TMEM95: variants seen among roughly 807,000 people sequenced by gnomAD.
TMEM95 encodes transmembrane protein 95.
TMEM95 carries 21 observed loss-of-function variants against 27.7 expected under a neutral mutation model. The observed-to-expected ratio is 0.76, with a 90% CI of 0.54 to 1.09. The LOEUF is 1.09. Ranked by LOEUF, TMEM95 falls within the 50% of genes least tolerant of loss-of-function variation. The probability of loss-of-function intolerance (pLI) is 0.00; values close to 1 mark genes in which losing one functional copy is unlikely to be tolerated. For missense variants in TMEM95, 203 were observed against 217.9 expected (o/e 0.93, Z 0.43); for synonymous variants, 77 against 85.7 (o/e 0.90, Z 0.56).
Position 7,355,899 on chromosome 17 carries a change from C to T in TMEM95, c.288C>T (p.Leu96=). 1.9e-6 allele frequency: 3 copies of T among 1,613,992 alleles called. No individual in the cohort carries two copies. Among genetic ancestry groups the T allele is most frequent in the Non-Finnish European group, 2.5e-6 (3 of 1,179,972 alleles). Residue 96 remains leucine, a synonymous_variant, in exon 3 of 7, where the codon CTC becomes CTT. Transcript: ENST00000576060. The surrounding 1 kb of genome is among the most constrained non-coding windows in gnomAD (Gnocchi z 4.9). The part of the protein sequence containing the change: ...SYWSWLRKTK[L]PEYTREALCP... ...GGAGTTGGCTTCGAAAGACCAAGCT[C>T]CCTGAGTACACCAGGGAAGGTACCG... is the stretch of plus-strand genomic sequence containing the variant.
In TMEM95 at chr17:7,355,561, C is replaced by T. The variant is rs928847855; in HGVS notation, c.170-25C>T. 6.4e-6 allele frequency: 10 copies of T among 1,553,082 alleles called. No homozygotes were observed. The highest frequency in any genetic ancestry group is 2.4e-5 in the East Asian group (1 of 41,036). ...CCAGAACCTGGGCTGATGAGGGAAT[C>T]GCTGGTCCTTGCCCATCTCCACAGA... is the stretch of plus-strand genomic sequence containing the variant. On this transcript the variant is annotated intron_variant, in intron 1 of 6. Coordinates refer to ENST00000576060, the MANE Select transcript of TMEM95 (RefSeq NM_001320436.2). The surrounding 1 kb of genome is among the most constrained non-coding windows in gnomAD (Gnocchi z 4.9).
At position 7,356,668 on chromosome 17, in the gene TMEM95, G is replaced by A; in HGVS notation, c.*36G>A. On this transcript the variant is annotated 3_prime_UTR_variant, in exon 7 of 7. Coordinates refer to ENST00000576060, the MANE Select transcript of TMEM95 (RefSeq NM_001320436.2). ...AACCTCCCAGCCTCCAGCTCTAAGG[G>A]GTATGCACTCACAACTTCCACATCC... 6.2e-7 allele frequency: 1 copy of A among 1,609,290 alleles called. No homozygotes were observed. The highest frequency in any genetic ancestry group is 8.5e-7 in the Non-Finnish European group (1 of 1,177,258).
Position 7,355,381 on chromosome 17 carries a change from C to A in TMEM95, c.169+8C>A. On this transcript the variant is annotated splice_region_variant and intron_variant, in intron 1 of 6. Transcript: ENST00000576060. The surrounding 1 kb of genome is among the most constrained non-coding windows in gnomAD (Gnocchi z 4.9). ...TCTCGGCCTTTGCCTTAGGTAGGAC[C>A]AGACATCCAGGGATGGGCCCAGCAA... 1 of 1,605,344 alleles carries A rather than the reference C, an allele frequency of 6.2e-7. No individual in the cohort carries two copies.
rs79041177 is a variant in TMEM95 at position 7,355,886 on chromosome 17, G to A, written c.275G>A (p.Arg92Gln). 29 of 1,614,002 alleles carry A rather than the reference G, an allele frequency of 1.8e-5. No individual in the cohort carries two copies. The highest frequency in any genetic ancestry group is 6.7e-5 in the East Asian group (3 of 44,866). Residue 92 changes from arginine to glutamine, a missense_variant, in exon 3 of 7, where the codon CGA (arginine) becomes CAA (glutamine). Physicochemically the swap from Arg to Gln is conservative, Grantham distance 43 (BLOSUM62 1). Coordinates refer to ENST00000576060, the MANE Select transcript of TMEM95 (RefSeq NM_001320436.2). This position sits in a 1 kb window ranked among gnomAD's most constrained non-coding sequence, Gnocchi z 4.9. ...SSLPSYWSWL[R>Q]KTKLPEYTRE... ...CTCCCTTCATATTGGAGTTGGCTTC[G>A]AAAGACCAAGCTCCCTGAGTACACC...
chr17:7,356,381 G>A lies in TMEM95; in HGVS notation c.410-11G>A, dbSNP rs545440241. 1.2e-6 allele frequency: 2 copies of A among 1,613,092 alleles called. No homozygotes were observed. The highest frequency in any genetic ancestry group is 1.3e-5 in the African/African-American group (1 of 75,046). ...CCCAGAATCATTCACTGCCTCCTGG[G>A]TTCCCTGCAGGAAGTCAGGATCTTT... is the stretch of plus-strand genomic sequence containing the variant. On this transcript the variant is annotated splice_polypyrimidine_tract_variant and intron_variant, in intron 5 of 6. Coordinates refer to ENST00000576060, the MANE Select transcript of TMEM95 (RefSeq NM_001320436.2).
At chr17:7,356,134 G>T in intron 4 of TMEM95, 62 bp from the exon 5 acceptor site, 1 of 1,605,352 alleles carries the variant, frequency 6.2e-7, no homozygotes, top group Non-Finnish European at 8.5e-7. Flanking sequence ...AGGAAGCTGG[G>T]TACCAGGCAG....
Position 7,355,619 on chromosome 17 carries a change from C to T in TMEM95, c.203C>T (p.Thr68Ile), listed in dbSNP as rs534565673. The change falls in exon 2 of 7, where the codon ACT (threonine) becomes ATT (isoleucine). Residue 68 changes from threonine to isoleucine, a missense_variant. Transcript: ENST00000576060. This position sits in a 1 kb window ranked among gnomAD's most constrained non-coding sequence, Gnocchi z 4.9. ...EVSMNKVTEK[T>I]HRVLRVMEIK... ...TCCATGAACAAAGTCACAGAGAAGA[C>T]TCACAGAGTCCTGAGGGTCATGGGT... 96 of 1,558,332 alleles carry T rather than the reference C, an allele frequency of 6.2e-5. 1 individual carries two copies. The Admixed American group carries it at 7.4e-4, about 12-fold the overall frequency.
chr17:7,356,873 T>C lies in TMEM95; in HGVS notation c.*241T>C. 1.9e-6 allele frequency: 1 copy of C among 533,936 alleles called. No homozygotes were observed. The highest frequency in any genetic ancestry group is 3.3e-6 in the Non-Finnish European group (1 of 299,700). The allele number at this position is 533,936 out of a possible 1,614,324, so 33.1% of individuals were successfully genotyped here. ...TCCCGGGAACCCAGGCACCCACAGC[T>C]GGAAAGTTCCTCCCCTCCAGCCCTC... is the stretch of plus-strand genomic sequence containing the variant. On this transcript the variant is annotated 3_prime_UTR_variant, in exon 7 of 7. Coordinates refer to ENST00000576060, the MANE Select transcript of TMEM95 (RefSeq NM_001320436.2).
Position 7,356,656 on chromosome 17 carries a change from C to G in TMEM95, c.*24C>G. 2 of 1,612,506 alleles carry G rather than the reference C, an allele frequency of 1.2e-6. No homozygotes were observed. The highest frequency in any genetic ancestry group is 1.7e-6 in the Non-Finnish European group (2 of 1,179,118). Reference sequence around the variant, plus strand: ...GAAGACGCTGAAAACCTCCCAGCCTCCAGCTCTAAGGGGTATGCACTCACA... The same window carrying G: ...GAAGACGCTGAAAACCTCCCAGCCTGCAGCTCTAAGGGGTATGCACTCACA... On this transcript the variant is annotated 3_prime_UTR_variant, in exon 7 of 7. Transcript: ENST00000576060.
Position 7,355,717 on chromosome 17 carries a change from G to A in TMEM95, c.226+75G>A. ...AGAGGGACGGGTGACAGGGGTTGGGGTGGGCAGGGAAGGGTGGAGGGGTAG... is the reference window on the plus strand; with the variant it reads ...AGAGGGACGGGTGACAGGGGTTGGGATGGGCAGGGAAGGGTGGAGGGGTAG... On this transcript the variant is annotated intron_variant, in intron 2 of 6. Transcript: ENST00000576060. This position sits in a 1 kb window ranked among gnomAD's most constrained non-coding sequence, Gnocchi z 4.9. 1 of 1,458,872 alleles carries A rather than the reference G, an allele frequency of 6.9e-7. No homozygotes were observed. Among genetic ancestry groups the A allele is most frequent in the Non-Finnish European group, 9.6e-7 (1 of 1,044,404 alleles). The allele number at this position is 1,458,872 out of a possible 1,614,324, so 90.4% of individuals were successfully genotyped here. A position where few individuals can be genotyped will look rare whatever the true frequency, so the allele number is the denominator to read the frequency against.
Position 7,357,007 on chromosome 17 carries a change from C to T in TMEM95, c.*375C>T, listed in dbSNP as rs1033817752. 5.1e-5 allele frequency: 16 copies of T among 312,538 alleles called. No homozygotes were observed. The highest frequency in any genetic ancestry group is 4.1e-4 in the Admixed American group (9 of 21,718). 19.4% of individuals were successfully genotyped at this position (312,538 alleles called of 1,614,324 possible). ...CCCCCTTCTGCCTGTTCCGGGAAAG[C>T]GGGGGCATCTGCCCCAGAAGCTATT... On this transcript the variant is annotated 3_prime_UTR_variant, in exon 7 of 7. Coordinates refer to ENST00000576060, the MANE Select transcript of TMEM95 (RefSeq NM_001320436.2).
intron 4 of TMEM95, 61 bp downstream of exon 4, chr17:7,356,110 C>T (rs771290418): frequency 5.9e-5 from 95 of 1,611,412 alleles, no homozygotes; most frequent in Non-Finnish European, 1.1e-5. Context: ...AGAGGAGGGC[C>T]TGGCAGCTGC....
At chr17:7,356,073 G>A (rs2073493873) in intron 4 of TMEM95, 24 bp downstream of exon 4, 1 of 1,614,074 alleles carries the variant, frequency 6.2e-7, no homozygotes, top group East Asian at 2.2e-5. Flanking sequence ...GAAAGGGGTA[G>A]CAAGGACCTG....
chr17:7,356,257 CCGAA>C lies in TMEM95; in HGVS notation c.391_394del (p.Arg131SerfsTer30). 1 of 1,572,406 alleles carries C rather than the reference CCGAA, an allele frequency of 6.4e-7. No homozygotes were observed. Among genetic ancestry groups the C allele is most frequent in the Non-Finnish European group, 8.6e-7 (1 of 1,161,266 alleles). ...AGGGGACGGAGGTGTCCTGCTGGCC[CCGAA>C]AGCGCTGCTTCCCAGGTCCTCACGC... On this transcript the variant is annotated frameshift_variant, in exon 5 of 7. Coordinates refer to ENST00000576060, the MANE Select transcript of TMEM95 (RefSeq NM_001320436.2). LOFTEE classifies it high-confidence loss of function.
At position 7,355,995 on chromosome 17, in the gene TMEM95, C is replaced by T; in HGVS notation, c.308-34C>T. The T allele has an allele frequency of 6.2e-7, 1 of 1,613,664 alleles. No individual in the cohort carries two copies. The highest frequency in any genetic ancestry group is 1.1e-5 in the South Asian group (1 of 91,060). On this transcript the variant is annotated intron_variant, in intron 3 of 6. Coordinates refer to ENST00000576060, the MANE Select transcript of TMEM95 (RefSeq NM_001320436.2). This position sits in a 1 kb window ranked among gnomAD's most constrained non-coding sequence, Gnocchi z 4.9. Reference sequence around the variant, plus strand: ...ATGTGTGGTGAGCAGCTCATCCATTCACACCCCCACCCCTTCCTTGTCTTT... The same window carrying T: ...ATGTGTGGTGAGCAGCTCATCCATTTACACCCCCACCCCTTCCTTGTCTTT...
Position 7,356,436 on chromosome 17 carries a change from T to G in TMEM95, c.454T>G (p.Phe152Val), listed in dbSNP as rs1439310947. 1 of 1,614,086 alleles carries G rather than the reference T, an allele frequency of 6.2e-7. No homozygotes were observed. Among genetic ancestry groups the G allele is most frequent in the Non-Finnish European group, 8.5e-7 (1 of 1,179,998 alleles). ...AGCCAAGATTCTGCTCCTCTCCATC[T>G]TCGGAGCTTTCCTGCTTCTGGGTGT... ...WEAKILLLSIFGAFLLLGVLS... is the reference protein window; with the variant it reads ...WEAKILLLSIVGAFLLLGVLS... The change falls in exon 6 of 7, where the codon TTC becomes GTC. Residue 152 changes from phenylalanine to valine, a missense_variant. Transcript: ENST00000576060.
Position 7,355,919 on chromosome 17 carries a change from G to A in TMEM95, c.307+1G>A, listed in dbSNP as rs1250441367. On this transcript the variant is annotated splice_donor_variant, in intron 3 of 6. Coordinates refer to ENST00000576060, the MANE Select transcript of TMEM95 (RefSeq NM_001320436.2). LOFTEE classifies it high-confidence loss of function. This position sits in a 1 kb window ranked among gnomAD's most constrained non-coding sequence, Gnocchi z 4.9. Reference sequence around the variant, plus strand: ...AAGCTCCCTGAGTACACCAGGGAAGGTACCGATGCGGGATGGGCCTCAAGG... The same window carrying A: ...AAGCTCCCTGAGTACACCAGGGAAGATACCGATGCGGGATGGGCCTCAAGG... 1 of 1,613,928 alleles carries A rather than the reference G, an allele frequency of 6.2e-7. No homozygotes were observed.
At chr17:7,356,356 C>T in intron 5 of TMEM95, 36 bp from the exon 6 acceptor site, 1 of 1,610,182 alleles carries the variant, frequency 6.2e-7, no homozygotes. Context: ...GCGTGTGGGT[C>T]CCAGAATCAT....
Position 7,355,488 on chromosome 17 carries a change from G to T in TMEM95, c.170-98G>T. The stretch of plus-strand genomic sequence containing the variant: ...TCTGTGGCCCTTTCTGGACATGCTG[G>T]CCTTTCCCTCTGAGAGAGCTCCATA... On this transcript the variant is annotated intron_variant, in intron 1 of 6. Transcript: ENST00000576060. This position sits in a 1 kb window ranked among gnomAD's most constrained non-coding sequence, Gnocchi z 4.9. 1 of 1,531,486 alleles carries T rather than the reference G, an allele frequency of 6.5e-7. No individual in the cohort carries two copies. Among genetic ancestry groups the T allele is most frequent in the Non-Finnish European group, 8.8e-7 (1 of 1,133,740 alleles). The allele number at this position is 1,531,486 out of a possible 1,614,324, so 94.9% of individuals were successfully genotyped here.
Sources: gnomAD v4.1 joint callset for allele counts on GRCh38, gnomAD v4.1.1 for gene constraint, Gnocchi (gnomAD v3.1) non-coding constraint, MANE v1.5 for transcripts, NCBI Gene and HGNC (gene_info 2026-07-23, HGNC 2026-07-21) for gene names.